Variants in SFMBT1 observed in about 807,000 individuals in gnomAD.
SFMBT1 encodes scm-like with four MBT domains protein 1.
A neutral mutation model predicts 108.7 loss-of-function variants in SFMBT1; 32 were observed. The ratio of observed to expected loss-of-function variants is 0.29; its 90% CI spans 0.22 to 0.40. The LOEUF is 0.40. Among genes scored for constraint, SFMBT1 ranks in the 10% least tolerant of loss-of-function variants. The probability of loss-of-function intolerance (pLI) is 1.00; values close to 1 mark genes in which losing one functional copy is unlikely to be tolerated. For synonymous variants in SFMBT1, 348 were observed against 369.5 expected, an observed-to-expected ratio of 0.94 and a Z score of 0.67; for missense variants, 816 against 1,059.6, an observed-to-expected ratio of 0.77 and a Z score of 3.19.
At chr3:52,992,198 G>A (rs1008326126) in intron 1 of SFMBT1, among the ~76,000 whole-genome samples, 5 of 152,162 alleles carry the variant, frequency 3.3e-5, no homozygotes, top group African/African-American at 1.2e-4. Flanking sequence ...GAGAACTAAC[G>A]TTCATCAACT....
At position 52,928,197 on chromosome 3, in the gene SFMBT1, G is replaced by C. The variant is rs748067060; in HGVS notation, c.1042C>G (p.Pro348Ala). The change falls in exon 9 of 21, where the codon CCT becomes GCT. Residue 348 changes from proline to alanine, a missense_variant. Around this residue, in one of 5 missense-constraint regions of SFMBT1, gnomAD observed 495 missense variants for 607.4 expected, o/e 0.81. Coordinates refer to ENST00000394752, the MANE Select transcript of SFMBT1 (RefSeq NM_016329.4). ...GAAGACAGCGAATGTGCACCTGGAGGGGGGCTGATGTGTAGGCCATTCTTC... is the reference window on the plus strand; with the variant it reads ...GAAGACAGCGAATGTGCACCTGGAGCGGGGCTGATGTGTAGGCCATTCTTC... ...SLKNGLHISP[P>A]PGYPSQDFDW... 1.2e-6 allele frequency: 2 copies of C among 1,610,104 alleles called. No individual in the cohort carries two copies. Among genetic ancestry groups the C allele is most frequent in the Non-Finnish European group, 1.7e-6 (2 of 1,178,378 alleles).
In SFMBT1 at chr3:52,913,731, G is replaced by A. The variant is rs1702271578; in HGVS notation, c.1481-114C>T. 21 of 1,134,524 alleles carry A rather than the reference G, an allele frequency of 1.9e-5. No homozygotes were observed. In the South Asian group the frequency reaches 3.4e-4, roughly 19 times the overall value. 70.3% of individuals were successfully genotyped at this position (1,134,524 alleles called of 1,614,324 possible). A position where few individuals can be genotyped will look rare whatever the true frequency, so the allele number is the denominator to read the frequency against. On this transcript the variant is annotated intron_variant, in intron 14 of 20. Transcript: ENST00000394752. ...ACATGTACCATTATATTAATATAAAGTTTGGAATTACTTATTTTGAAGCTT... is the reference window on the plus strand; with the variant it reads ...ACATGTACCATTATATTAATATAAAATTTGGAATTACTTATTTTGAAGCTT...
chr3:52,997,114 TATC>T (rs1484833924), intron 1 of SFMBT1, among the ~76,000 whole-genome samples: 1 of 148,978 alleles, frequency 6.7e-6, no homozygotes, highest in Non-Finnish European at 1.5e-5. Flanking sequence ...AACATAGACT[TATC>T]ATACAACCAA....
At chr3:53,022,377 G>A (rs1395197488) in intron 1 of SFMBT1, among the ~76,000 whole-genome samples, 1 of 150,170 alleles carries the variant, frequency 6.7e-6, no homozygotes, top group Non-Finnish European at 1.5e-5. Flanking sequence ...TTGGGCCCAG[G>A]AGGTAGACGC....
intron 1 of SFMBT1, among the ~76,000 whole-genome samples, chr3:52,979,780 A>G (rs946539916): frequency 6.6e-6 from 1 of 152,222 alleles, no homozygotes; most frequent in Non-Finnish European, 1.5e-5. Flanking sequence ...ATATTTACTG[A>G]GCACTTATTA....
intron 14 of SFMBT1, 96 bp downstream of exon 14, chr3:52,916,054 T>C (rs1000705891): frequency 1.0e-6 from 1 of 998,990 alleles, no homozygotes. Flanking sequence ...TGAAGACACA[T>C]ACTATACATC....
intron 1 of SFMBT1, among the ~76,000 whole-genome samples, chr3:53,037,391 G>A (rs1699901182): frequency 6.6e-6 from 1 of 152,180 alleles, no homozygotes; most frequent in African/African-American, 2.4e-5. Context: ...TACAGATAAT[G>A]CCTAGGAGAA....
chr3:52,987,000 T>C (rs1704945116), intron 1 of SFMBT1, among the ~76,000 whole-genome samples: 1 of 152,146 alleles, frequency 6.6e-6, no homozygotes, highest in Non-Finnish European at 1.5e-5. Context: ...TAACTTTTTA[T>C]TTACTTGTTA....
chr3:52,948,904 T>C (rs1703474998), intron 3 of SFMBT1, among the ~76,000 whole-genome samples: 1 of 6,314 alleles, frequency 1.6e-4, no homozygotes, highest in Non-Finnish European at 5.8e-3. Flanking sequence ...GCTCAAGCAA[T>C]TCTCCCACCT....
chr3:52,906,183 C>T lies in SFMBT1; in HGVS notation c.2390G>A (p.Ser797Asn), dbSNP rs759305868. 1.9e-6 allele frequency: 3 copies of T among 1,614,150 alleles called. No individual in the cohort carries two copies. The highest frequency in any genetic ancestry group is 2.5e-6 in the Non-Finnish European group (3 of 1,179,984). The change falls in exon 20 of 21, where the codon AGT becomes AAT. Residue 797 changes from serine to asparagine, a missense_variant. By Grantham distance (46) the Ser-to-Asn change is conservative (BLOSUM62 1). Transcript: ENST00000394752. ...GATGAACCGCACAACGTCTGCCACACTCCACTTCAAGGGGTTACTGTCCAG... is the reference window on the plus strand; with the variant it reads ...GATGAACCGCACAACGTCTGCCACATTCCACTTCAAGGGGTTACTGTCCAG... ...LHLDSNPLKW[S>N]VADVVRFIRS...
intron 1 of SFMBT1, among the ~76,000 whole-genome samples, chr3:53,027,406 C>T (rs1699531009): frequency 6.6e-6 from 1 of 152,154 alleles, no homozygotes; most frequent in African/African-American, 2.4e-5. Flanking sequence ...GGCCAGGGAA[C>T]TTACTCAATT....
chr3:52,941,044 T>C (rs1006815637), intron 4 of SFMBT1, among the ~76,000 whole-genome samples: 1 of 152,024 alleles, frequency 6.6e-6, no homozygotes, highest in Admixed American at 6.6e-5. Context: ...AAAACAATGG[T>C]TAAGAAAACG....
intron 1 of SFMBT1, among the ~76,000 whole-genome samples, chr3:53,017,190 T>C (rs1272185094): frequency 6.6e-6 from 1 of 152,208 alleles, no homozygotes; most frequent in African/African-American, 2.4e-5. Context: ...CCCAAGCTGT[T>C]AGAAGATAAA....
intron 1 of SFMBT1, among the ~76,000 whole-genome samples, chr3:52,987,845 G>A (rs564121275): frequency 6.6e-6 from 1 of 152,248 alleles, no homozygotes; most frequent in East Asian, 1.9e-4. Flanking sequence ...CCCTAAAACA[G>A]ATTAATTCAT....
rs77066263 is a variant in SFMBT1 at position 53,023,969 on chromosome 3, T to C, written c.-131+21847A>G. On this transcript the variant is annotated intron_variant, in intron 1 of 20. Coordinates refer to ENST00000394752, the MANE Select transcript of SFMBT1 (RefSeq NM_016329.4). ...ACAAATTCTTAGTGAGCAACTACTA[T>C]GGACCAGATGCTGTTCTAGGTACTG... 2.3e-3 allele frequency among the ~76,000 whole-genome samples: 351 copies of C among 152,342 alleles called. 2 individuals are homozygous for C. Among genetic ancestry groups the C allele is most frequent in the African/African-American group, 8.0e-3 (332 of 41,572 alleles).
chr3:53,009,272 C>T (rs1698861989), intron 1 of SFMBT1, among the ~76,000 whole-genome samples: 1 of 151,792 alleles, frequency 6.6e-6, no homozygotes, highest in Non-Finnish European at 1.5e-5. Flanking sequence ...CATGGTAAAA[C>T]CCCGTCTGTA....
intron 2 of SFMBT1, 64 bp downstream of exon 2, chr3:52,969,037 A>G: frequency 6.3e-7 from 1 of 1,588,278 alleles, no homozygotes; most frequent in Non-Finnish European, 8.6e-7. Flanking sequence ...AACAGACAAT[A>G]TAACACAGGC....
At chr3:52,988,280 G>T (rs1164913971) in intron 1 of SFMBT1, among the ~76,000 whole-genome samples, 1 of 152,156 alleles carries the variant, frequency 6.6e-6, no homozygotes, top group Non-Finnish European at 1.5e-5. Flanking sequence ...CACATATGCT[G>T]TACAATTAAT....
intron 1 of SFMBT1, among the ~76,000 whole-genome samples, chr3:52,977,056 C>T (rs1163730033): frequency 6.6e-6 from 1 of 152,192 alleles, no homozygotes; most frequent in African/African-American, 2.4e-5. Context: ...ACTTCCAATA[C>T]ATTTCAGAAA....
Sources: allele counts gnomAD v4.1 joint callset (sites outside exome capture counted in the v4.1 genomes callset), GRCh38; gene constraint gnomAD v4.1.1; regional missense constraint gnomAD v4.1.1; transcripts MANE v1.5; gene names NCBI Gene and HGNC (gene_info 2026-07-23, HGNC 2026-07-21).